The following DCPS variants were observed in gnomAD, a reference collection of about 807,000 sequenced individuals.
DCPS encodes the protein decapping enzyme, scavenger, also known as m7GpppX diphosphatase.
DCPS carries 27 observed loss-of-function variants against 34.7 expected under a neutral mutation model. That is an observed-to-expected ratio of 0.78 (90% CI 0.57 to 1.07). The LOEUF (loss-of-function observed/expected upper bound fraction) is 1.07, where lower values mean the gene tolerates loss of function less well. Among genes scored for constraint, DCPS ranks in the 50% least tolerant of loss-of-function variants. DCPS has a pLI of 0.00. For missense variants in DCPS, 464 were observed against 436.9 expected, an observed-to-expected ratio of 1.06 and a Z score of -0.55; for synonymous variants, 185 against 185.7, an observed-to-expected ratio of 1.00 and a Z score of 0.03.
intron 2 of DCPS, among the ~76,000 whole-genome samples, chr11:126,316,586 T>C (rs1951660003): frequency 6.6e-6 from 1 of 152,124 alleles, no homozygotes; most frequent in Admixed American, 6.5e-5. Context: ...GTGAGTTAGA[T>C]GTTTTCTGTA....
Position 126,322,622 on chromosome 11 carries a change from C to T in DCPS, c.377-8783C>T, listed in dbSNP as rs1951716430. Reference sequence around the variant, plus strand: ...TTTTTTTTTTTTTTTGAGACGAAGTCTCACTGCGTTGCCAGGCTGGAGTGC... The same window carrying T: ...TTTTTTTTTTTTTTTGAGACGAAGTTTCACTGCGTTGCCAGGCTGGAGTGC... On this transcript the variant is annotated intron_variant, in intron 2 of 5. Coordinates refer to ENST00000263579, the MANE Select transcript of DCPS (RefSeq NM_014026.6). The surrounding 1 kb of genome is among the most constrained non-coding windows in gnomAD (Gnocchi z 4.2). Among the ~76,000 whole-genome samples the T allele has an allele frequency of 1.4e-5, 2 of 143,784 alleles. No individual in the cohort carries two copies. The highest frequency in any genetic ancestry group is 2.6e-5 in the African/African-American group (1 of 38,642). 94.3% of individuals were successfully genotyped at this position (143,784 alleles called of 152,430 possible).
Position 126,342,016 on chromosome 11 carries a change from T to G in DCPS, c.637-1291T>G, listed in dbSNP as rs1951879336. ...ATTTTCAATTTGAGGCCCCAGGAAA[T>G]GTGGTTGGGTGAGTCATGGTCCTCA... On this transcript the variant is annotated intron_variant, in intron 4 of 5. Coordinates refer to ENST00000263579, the MANE Select transcript of DCPS (RefSeq NM_014026.6). The surrounding 1 kb of genome is among the most constrained non-coding windows in gnomAD (Gnocchi z 4.4). The G allele has an allele frequency of 6.6e-6, 1 of 152,130 alleles. No individual in the cohort carries two copies. The highest frequency in any genetic ancestry group is 2.1e-4 in the South Asian group (1 of 4,824). The allele number at this position is 152,130 out of a possible 1,614,324, so 9.4% of individuals were successfully genotyped here. A position where few individuals can be genotyped will look rare whatever the true frequency, so the allele number is the denominator to read the frequency against.
intron 2 of DCPS, among the ~76,000 whole-genome samples, chr11:126,311,702 A>G (rs1206487629): frequency 1.3e-5 from 2 of 152,144 alleles, no homozygotes; most frequent in African/African-American, 4.8e-5. Flanking sequence ...ATGGGGTGGG[A>G]TGGTGGCAGG....
intron 2 of DCPS, among the ~76,000 whole-genome samples, chr11:126,307,198 T>C (rs1014101602): frequency 1.3e-5 from 2 of 151,888 alleles, no homozygotes; most frequent in Non-Finnish European, 2.9e-5. Flanking sequence ...CTGGGCATGG[T>C]GGCGTTCACC....
At position 126,346,871 on chromosome 11, in the gene DCPS, G is replaced by C. The variant is rs1256536882; in HGVS notation, c.*1258G>C. Among the ~76,000 whole-genome samples the C allele has an allele frequency of 6.6e-6, 1 of 152,088 alleles. No individual in the cohort carries two copies. Among genetic ancestry groups the C allele is most frequent in the Non-Finnish European group, 1.5e-5 (1 of 68,006 alleles). On this transcript the variant is annotated 3_prime_UTR_variant, in exon 6 of 6. Coordinates refer to ENST00000263579, the MANE Select transcript of DCPS (RefSeq NM_014026.6). The surrounding 1 kb of genome is among the most constrained non-coding windows in gnomAD (Gnocchi z 4.1). ...GCCTGCTGTGGACCCCCATGGTCCT[G>C]GGAGAGACTCCTTAGAAACAGCAGA...
rs1951882827 is a variant in DCPS at position 126,342,484 on chromosome 11, T to G, written c.637-823T>G. Among the ~76,000 whole-genome samples the G allele has an allele frequency of 6.6e-6, 1 of 152,186 alleles. No individual in the cohort carries two copies. Among genetic ancestry groups the G allele is most frequent in the African/African-American group, 2.4e-5 (1 of 41,446 alleles). ...TGCTTCCTCTCCCCTTCCGTATACA[T>G]TCTATGCCCTATACATTCTTGCCTC... is the stretch of plus-strand genomic sequence containing the variant. On this transcript the variant is annotated intron_variant, in intron 4 of 5. Transcript: ENST00000263579. The surrounding 1 kb of genome is among the most constrained non-coding windows in gnomAD (Gnocchi z 4.4).
chr11:126,311,145 C>T (rs997122019), intron 2 of DCPS, among the ~76,000 whole-genome samples: 2 of 152,346 alleles, frequency 1.3e-5, no homozygotes, highest in Admixed American at 6.5e-5. Context: ...TCCATCCCAA[C>T]GACATAATGG....
At chr11:126,309,632 C>T (rs908049236) in intron 2 of DCPS, among the ~76,000 whole-genome samples, 20 of 152,158 alleles carry the variant, frequency 1.3e-4, no homozygotes, top group Admixed American at 1.2e-3. Context: ...TACGGAGGGC[C>T]GACTGTACAT....
At chr11:126,330,682 TTAAACCATATATATATATATATATA>T (rs1454474160) in intron 2 of DCPS, among the ~76,000 whole-genome samples, 1 of 126,386 alleles carries the variant, frequency 7.9e-6, no homozygotes, top group African/African-American at 3.0e-5. Context: ...CTACTGGGCT[TTAAACCATATATATATATATATATA>T]TATATATATA....
At chr11:126,330,399 T>C (rs1249149242) in intron 2 of DCPS, among the ~76,000 whole-genome samples, 1 of 152,102 alleles carries the variant, frequency 6.6e-6, no homozygotes, top group Non-Finnish European at 1.5e-5. Context: ...TTATGTGGTG[T>C]TTACTGTGTG....
chr11:126,324,629 CTTTTTTTTTTTTT>C (rs58091804), intron 2 of DCPS, among the ~76,000 whole-genome samples: 9 of 99,954 alleles, frequency 9.0e-5, no homozygotes, highest in South Asian at 3.2e-4. Context: ...ATTTTTCTGC[CTTTTTTTTTTTTT>C]TTTTTTTTTT....
rs1247853594 is a variant in DCPS, at chr11:126,313,347, G to T, written c.376+6603G>T. Among the ~76,000 whole-genome samples the T allele has an allele frequency of 6.6e-6, 1 of 152,328 alleles. No individual in the cohort carries two copies. Among genetic ancestry groups the T allele is most frequent in the Non-Finnish European group, 1.5e-5 (1 of 68,030 alleles). The stretch of plus-strand genomic sequence containing the variant: ...CCGGACCTCCTGAGGGAGGGGTGAG[G>T]ACTTGTTTGGAAGGAGCATTTTAAA... On this transcript the variant is annotated intron_variant, in intron 2 of 5. Coordinates refer to ENST00000263579, the MANE Select transcript of DCPS (RefSeq NM_014026.6). This position sits in a 1 kb window ranked among gnomAD's most constrained non-coding sequence, Gnocchi z 4.9.
intron 2 of DCPS, among the ~76,000 whole-genome samples, chr11:126,309,636 T>G (rs1213648793): frequency 6.6e-6 from 1 of 152,198 alleles, no homozygotes; most frequent in East Asian, 1.9e-4. Context: ...GAGGGCCGAC[T>G]GTACATGCGG....
At position 126,319,111 on chromosome 11, in the gene DCPS, G is replaced by C. The variant is rs1366749334; in HGVS notation, c.377-12294G>C. The stretch of plus-strand genomic sequence containing the variant: ...AGCTGTGTTAGTCCGGGGCACATCA[G>C]CCTGCTCATCTGAGTTGCAGAGAGA... On this transcript the variant is annotated intron_variant, in intron 2 of 5. Transcript: ENST00000263579. The surrounding 1 kb of genome is among the most constrained non-coding windows in gnomAD (Gnocchi z 4.5). Among the ~76,000 whole-genome samples the C allele has an allele frequency of 1.3e-5, 2 of 152,184 alleles. No homozygotes were observed. Among genetic ancestry groups the C allele is most frequent in the East Asian group, 1.9e-4 (1 of 5,190 alleles).
At chr11:126,305,865 C>T (rs1326391489) in intron 1 of DCPS, among the ~76,000 whole-genome samples, 2 of 152,158 alleles carry the variant, frequency 1.3e-5, no homozygotes, top group Admixed American at 1.3e-4. Context: ...TGAGAGCCTT[C>T]GAGCTAGGAG....
In DCPS at chr11:126,345,446, C is replaced by T. The variant is rs1331837713; in HGVS notation, c.847C>T (p.Leu283=). 2 of 1,614,230 alleles carry T rather than the reference C, an allele frequency of 1.2e-6. No individual in the cohort carries two copies. Among genetic ancestry groups the T allele is most frequent in the Non-Finnish European group, 1.7e-6 (2 of 1,180,036 alleles). Residue 283 remains leucine, a synonymous_variant, in exon 6 of 6, where the codon CTG becomes TTG. Transcript: ENST00000263579. The surrounding 1 kb of genome is among the most constrained non-coding windows in gnomAD (Gnocchi z 7.4). ...YYHLHVHFTA[L]GFEAPGSGVE... ...CCACCTGCATGTGCACTTCACCGCC[C>T]TGGGCTTCGAGGCCCCCGGCTCAGG...
At position 126,337,584 on chromosome 11, in the gene DCPS, G is replaced by T. The variant is rs1951841589; in HGVS notation, c.523-702G>T. 6.6e-6 allele frequency: 1 copy of T among 152,448 alleles called. No individual in the cohort carries two copies. The highest frequency in any genetic ancestry group is 2.4e-5 in the African/African-American group (1 of 41,456). The allele number at this position is 152,448 out of a possible 1,614,324, so 9.4% of individuals were successfully genotyped here. A position where few individuals can be genotyped will look rare whatever the true frequency, so the allele number is the denominator to read the frequency against. ...ACACAAGGGCTGGGAGCCCTGGGTA[G>T]CCCTGAAAGGTCTTGGTGAGGTCAC... On this transcript the variant is annotated intron_variant, in intron 3 of 5. Coordinates refer to ENST00000263579, the MANE Select transcript of DCPS (RefSeq NM_014026.6). This position sits in a 1 kb window ranked among gnomAD's most constrained non-coding sequence, Gnocchi z 5.3.
intron 2 of DCPS, among the ~76,000 whole-genome samples, chr11:126,307,460 G>C (rs1345926977): frequency 6.6e-6 from 1 of 152,024 alleles, no homozygotes; most frequent in East Asian, 1.9e-4. Flanking sequence ...GCCCAGGCTA[G>C]AGTGCAGTGG....
intron 1 of DCPS, among the ~76,000 whole-genome samples, chr11:126,305,021 T>C (rs1951552077): frequency 1.3e-5 from 2 of 152,230 alleles, no homozygotes; most frequent in South Asian, 4.1e-4. Context: ...CTAGAACTAC[T>C]AGCAGGAACT....
Sources: gnomAD v4.1 joint callset for allele counts (sites outside exome capture counted in the v4.1 genomes callset) on GRCh38, gnomAD v4.1.1 for gene constraint, Gnocchi (gnomAD v3.1) non-coding constraint, MANE v1.5 for transcripts, NCBI Gene and HGNC (gene_info 2026-07-23, HGNC 2026-07-21) for gene names.